MAP2: variants seen among roughly 807,000 people sequenced by gnomAD.
MAP2 encodes microtubule associated protein 2.
Under a neutral mutation model 137.6 loss-of-function variants are expected in MAP2, and 14 were observed. That is an observed-to-expected ratio of 0.10 (90% CI 0.07 to 0.16). MAP2 has a LOEUF of 0.16. Among genes scored for constraint, MAP2 ranks in the 10% least tolerant of loss-of-function variants. The pLI is 1.00. For synonymous variants in MAP2, 786 were observed against 782.3 expected, an observed-to-expected ratio of 1.00 and a Z score of -0.08; for missense variants, 2,088 against 2,191.5, an observed-to-expected ratio of 0.95 and a Z score of 0.94.
chr2:209,498,617 T>A (rs1452947388), intron 1 of MAP2, among the ~76,000 whole-genome samples: 1 of 152,200 alleles, frequency 6.6e-6, no homozygotes, highest in Non-Finnish European at 1.5e-5. Context: ...GAAATCTAGG[T>A]GGAAGGTGCC....
At chr2:209,611,432 A>G (rs1313364845) in intron 3 of MAP2, among the ~76,000 whole-genome samples, 1 of 151,982 alleles carries the variant, frequency 6.6e-6, no homozygotes, top group African/African-American at 2.4e-5. Context: ...TATACAATTC[A>G]TTAGTTATAA....
chr2:209,474,036 A>G (rs758949316), intron 1 of MAP2, among the ~76,000 whole-genome samples: 6 of 152,178 alleles, frequency 3.9e-5, no homozygotes. Flanking sequence ...CTCACATTCC[A>G]CAAACCTGAT....
chr2:209,445,644 C>T (rs1032655611), intron 1 of MAP2, among the ~76,000 whole-genome samples: 21 of 151,498 alleles, frequency 1.4e-4, no homozygotes, highest in African/African-American at 5.1e-4. Context: ...ATCTTAACTA[C>T]GGTGACTTAT....
At chr2:209,639,829 C>T (rs549223236) in intron 4 of MAP2, among the ~76,000 whole-genome samples, 19 of 151,980 alleles carry the variant, frequency 1.3e-4, no homozygotes, top group African/African-American at 4.6e-4. Flanking sequence ...TACTCTGTGC[C>T]ACACACTGTA....
chr2:209,488,668 C>T (rs2058694006), intron 1 of MAP2, among the ~76,000 whole-genome samples: 1 of 152,164 alleles, frequency 6.6e-6, no homozygotes, highest in Non-Finnish European at 1.5e-5. Flanking sequence ...AACAAAGCTG[C>T]CAGGCAGTTT....
At chr2:209,550,264 G>C (rs912711341) in intron 2 of MAP2, among the ~76,000 whole-genome samples, 3 of 152,012 alleles carry the variant, frequency 2.0e-5, no homozygotes, top group African/African-American at 7.3e-5. Context: ...CATTGAAGCG[G>C]TTCACAACAT....
At chr2:209,557,778 G>A (rs1470164074) in intron 2 of MAP2, among the ~76,000 whole-genome samples, 1 of 152,202 alleles carries the variant, frequency 6.6e-6, no homozygotes, top group Non-Finnish European at 1.5e-5. Flanking sequence ...AATGGCTCAA[G>A]TCCATGAGCA....
At chr2:209,673,218 G>T (rs1189492326) in intron 5 of MAP2, among the ~76,000 whole-genome samples, 2 of 151,718 alleles carry the variant, frequency 1.3e-5, no homozygotes, top group East Asian at 1.9e-4. Context: ...ATTTTATTTA[G>T]AAAGGTTCCT....
At chr2:209,563,036 CT>C (rs2072542302) in intron 2 of MAP2, among the ~76,000 whole-genome samples, 1 of 152,142 alleles carries the variant, frequency 6.6e-6, no homozygotes, top group Admixed American at 6.5e-5. Flanking sequence ...TGTGAATGTG[CT>C]GTTGAAATTT....
intron 13 of MAP2, among the ~76,000 whole-genome samples, chr2:209,720,564 G>A (rs2070098288): frequency 2.0e-5 from 3 of 150,540 alleles, no homozygotes; most frequent in Non-Finnish European, 4.4e-5. Context: ...GCGTGAACCC[G>A]GGAGGCGGAG....
At chr2:209,640,356 T>TA (rs964874900) in intron 4 of MAP2, among the ~76,000 whole-genome samples, 8 of 152,088 alleles carry the variant, frequency 5.3e-5, no homozygotes, top group African/African-American at 1.9e-4. Flanking sequence ...TAAATACAGT[T>TA]AAAAAATAAT....
At chr2:209,678,461 T>C (rs1234968437) in intron 5 of MAP2, 111 bp from the exon 6 acceptor site, 1 of 443,838 alleles carries the variant, frequency 2.3e-6, no homozygotes, top group Admixed American at 4.2e-5. Context: ...TGTTGTACTT[T>C]TTAGGGGGAA....
At chr2:209,647,029 G>T (rs2094463029) in intron 4 of MAP2, among the ~76,000 whole-genome samples, 1 of 152,134 alleles carries the variant, frequency 6.6e-6, no homozygotes, top group South Asian at 2.1e-4. Flanking sequence ...CAGCTTCGGG[G>T]AGGCCTCAGA....
chr2:209,554,460 G>A (rs1199621031), intron 2 of MAP2, among the ~76,000 whole-genome samples: 2 of 152,222 alleles, frequency 1.3e-5, no homozygotes. Context: ...GTAGGCTGCT[G>A]TGAAGAATGC....
Position 209,711,624 on chromosome 2 carries a change from A to C in MAP2, c.5073+1370A>C, listed in dbSNP as rs537822102. Among the ~76,000 whole-genome samples the C allele has an allele frequency of 1.7e-3, 262 of 152,346 alleles. 1 individual carries two copies. The highest frequency in any genetic ancestry group is 3.1e-3 in the Non-Finnish European group (213 of 68,008). ...TAAGCCTATAATTCCTAAAAAACTC[A>C]AACTATTCTTGCGTTCATCAGAGTT... On this transcript the variant is annotated intron_variant, in intron 13 of 15. Transcript: ENST00000682079.
chr2:209,496,616 C>A lies in MAP2; in HGVS notation c.-221-10976C>A, dbSNP rs1267016701. Among the ~76,000 whole-genome samples the A allele has an allele frequency of 2.0e-5, 3 of 152,250 alleles. No individual in the cohort carries two copies. The East Asian group carries it at 5.8e-4, about 29-fold the overall frequency. On this transcript the variant is annotated intron_variant, in intron 1 of 15. Coordinates refer to ENST00000682079, the MANE Select transcript of MAP2 (RefSeq NM_001375505.1). ...TGAATACCTTTCCTTTATTATCCTG[C>A]CAGAAACTCACACTTAATGTGTCTA...
chr2:209,656,401 C>T (rs968287903), intron 5 of MAP2, among the ~76,000 whole-genome samples: 65 of 152,016 alleles, frequency 4.3e-4, no homozygotes, highest in African/African-American at 1.5e-3. Flanking sequence ...CCCAGCTACT[C>T]AAGAGGCAAA....
chr2:209,485,760 G>A (rs765715488), intron 1 of MAP2, among the ~76,000 whole-genome samples: 4 of 152,118 alleles, frequency 2.6e-5, no homozygotes, highest in African/African-American at 4.8e-5. Flanking sequence ...AAATATTTTT[G>A]TGCACATTCA....
intron 2 of MAP2, among the ~76,000 whole-genome samples, chr2:209,513,675 A>G (rs999589840): frequency 2.0e-5 from 3 of 152,124 alleles, no homozygotes; most frequent in African/African-American, 7.2e-5. Flanking sequence ...CTTGTTCTTT[A>G]AGATTCTTCC....
Sources: gnomAD v4.1 joint callset for allele counts (sites outside exome capture counted in the v4.1 genomes callset) on GRCh38, gnomAD v4.1.1 for gene constraint, MANE v1.5 for transcripts, NCBI Gene and HGNC (gene_info 2026-07-23, HGNC 2026-07-21) for gene names.